The following WNK3 variants were observed in gnomAD, a reference collection of about 807,000 sequenced individuals.
WNK3 encodes serine/threonine-protein kinase WNK3.
A neutral mutation model predicts 116.7 loss-of-function variants in WNK3; 18 were observed. That is an observed-to-expected ratio of 0.15 (90% CI 0.11 to 0.23). The LOEUF is 0.23. Ranked by LOEUF, WNK3 falls within the 10% of genes least tolerant of loss-of-function variation. WNK3 has a pLI of 1.00. For missense variants in WNK3, 993 were observed against 1,323.8 expected (o/e 0.75, Z 3.88); for synonymous variants, 404 against 469.4 (o/e 0.86, Z 1.80).
Position 54,275,415 on chromosome X carries a change from A to ATGTGTGTGTGTGTGTG in WNK3, c.2038-16093_2038-16078dup, listed in dbSNP as rs782672834. Among the ~76,000 whole-genome samples, 80 of 64,415 alleles carry ATGTGTGTGTGTGTGTG rather than the reference A, an allele frequency of 1.2e-3. 2 individuals are homozygous for ATGTGTGTGTGTGTGTG. Among genetic ancestry groups the ATGTGTGTGTGTGTGTG allele is most frequent in the East Asian group, 3.8e-3 (6 of 1,597 alleles). The allele number at this position is 64,415 out of a possible 115,157, so 55.9% of individuals were successfully genotyped here. A position where few individuals can be genotyped will look rare whatever the true frequency, so the allele number is the denominator to read the frequency against. On this transcript the variant is annotated intron_variant, in intron 10 of 23. Coordinates refer to ENST00000354646, the Ensembl canonical transcript of WNK3. The stretch of plus-strand genomic sequence containing the variant: ...CGGTATCTGTAGGGTATAAGTTCAT[A>ATGTGTGTGTGTGTGTG]TGTGTGTGTGTGTGTGTGTGTGTGT...
At chrX:54,287,546 G>A (rs2068593904) in intron 10 of WNK3, among the ~76,000 whole-genome samples, 1 of 111,833 alleles carries the variant, frequency 8.9e-6, no homozygotes, top group African/African-American at 3.3e-5. Context: ...ACCTTGTACT[G>A]TATAATTTCC....
intron 2 of WNK3, among the ~76,000 whole-genome samples, chrX:54,331,244 A>T (rs2069166607): frequency 9.1e-6 from 1 of 109,739 alleles, no homozygotes; most frequent in Admixed American, 9.9e-5. Context: ...ATAAAATTTA[A>T]AAAGAAAAAA....
intron 1 of WNK3, among the ~76,000 whole-genome samples, chrX:54,354,978 G>T (rs1196045609): frequency 9.0e-6 from 1 of 110,957 alleles, no homozygotes; most frequent in African/African-American, 3.3e-5. Context: ...CAGCTACTAG[G>T]GAGGCTGAGG....
Position 54,301,996 on chromosome X carries a change from A to G in WNK3, c.1090-137T>C, listed in dbSNP as rs1338233288. The G allele has an allele frequency of 3.5e-5, 16 of 463,561 alleles. No homozygotes were observed. In the East Asian group the frequency reaches 5.1e-4, roughly 15 times the overall value. The allele number at this position is 463,561 out of a possible 1,213,427, so 38.2% of individuals were successfully genotyped here. A position where few individuals can be genotyped will look rare whatever the true frequency, so the allele number is the denominator to read the frequency against. On this transcript the variant is annotated intron_variant, in intron 5 of 23. Transcript: ENST00000354646. The stretch of plus-strand genomic sequence containing the variant: ...AATATTTAAATATACATGTGTATAT[A>G]TAGAGAACATAAGTTTAATAACCTT...
intron 22 of WNK3, among the ~76,000 whole-genome samples, chrX:54,219,053 G>GA (rs1557146006): frequency 1.8e-5 from 2 of 111,517 alleles, no homozygotes; most frequent in Non-Finnish European, 3.8e-5. Context: ...GAAAAGGGCA[G>GA]AAAAAATATC....
At chrX:54,213,546 T>A (rs1557144246) in intron 22 of WNK3, among the ~76,000 whole-genome samples, 1 of 58,653 alleles carries the variant, frequency 1.7e-5, no homozygotes. Context: ...AGAGTGAGAC[T>A]CCGTCTCAAA....
chrX:54,353,640 G>A lies in WNK3; in HGVS notation c.-120+4046C>T, dbSNP rs782406170. ...CGGGCACCTGTTATTCCAGCTACTC[G>A]GGAGGCTAAGGCAGGAGAATCATTT... On this transcript the variant is annotated intron_variant, in intron 1 of 23. Transcript: ENST00000354646. Among the ~76,000 whole-genome samples, 16 of 107,356 alleles carry A rather than the reference G, an allele frequency of 1.5e-4. 1 individual carries two copies. Among genetic ancestry groups the A allele is most frequent in the Middle Eastern group, 9.9e-3 (2 of 202 alleles). The allele number at this position is 107,356 out of a possible 115,157, so 93.2% of individuals were successfully genotyped here. A position where few individuals can be genotyped will look rare whatever the true frequency, so the allele number is the denominator to read the frequency against.
chrX:54,324,937 C>T (rs2069081355), intron 2 of WNK3, among the ~76,000 whole-genome samples: 1 of 111,939 alleles, frequency 8.9e-6, no homozygotes, highest in South Asian at 3.7e-4. Flanking sequence ...TGTAATAGGG[C>T]TAATGTCTCA....
At chrX:54,341,287 C>T (rs2069319583) in intron 1 of WNK3, among the ~76,000 whole-genome samples, 1 of 110,690 alleles carries the variant, frequency 9.0e-6, no homozygotes, top group Admixed American at 9.7e-5. Context: ...ATCCCAGCTA[C>T]TCAGGAGGCT....
At chrX:54,302,756 TA>T (rs1438799439) in intron 5 of WNK3, among the ~76,000 whole-genome samples, 202 of 31,166 alleles carry the variant, frequency 6.5e-3, no homozygotes, top group East Asian at 9.1e-3. Context: ...TATATATATA[TA>T]TTTTTTTTTT....
At chrX:54,311,860 A>G (rs1456579663) in intron 2 of WNK3, among the ~76,000 whole-genome samples, 2 of 111,433 alleles carry the variant, frequency 1.8e-5, no homozygotes, top group Admixed American at 1.9e-4. Context: ...AGGGAGAACT[A>G]TGGCCCTAAA....
intron 17 of WNK3, among the ~76,000 whole-genome samples, chrX:54,245,536 T>C (rs368981653): frequency 2.1e-3 from 228 of 109,854 alleles, no homozygotes; most frequent in Non-Finnish European, 3.0e-3. Context: ...CACACACACA[T>C]ACACACACCT....
At chrX:54,339,794 A>C (rs2069294532) in intron 1 of WNK3, among the ~76,000 whole-genome samples, 1 of 112,015 alleles carries the variant, frequency 8.9e-6, no homozygotes, top group Admixed American at 9.6e-5. Context: ...CATTGGAGTA[A>C]ATCTCAGTAA....
Position 54,275,415 on chromosome X carries a change from A to ATGTGTGTGTGTGTGTGTGTG in WNK3, c.2038-16097_2038-16078dup, listed in dbSNP as rs782672834. Among the ~76,000 whole-genome samples the ATGTGTGTGTGTGTGTGTGTG allele has an allele frequency of 7.8e-5, 5 of 64,430 alleles. 1 individual carries two copies. The highest frequency in any genetic ancestry group is 6.3e-4 in the East Asian group (1 of 1,597). 55.9% of individuals were successfully genotyped at this position (64,430 alleles called of 115,157 possible). On this transcript the variant is annotated intron_variant, in intron 10 of 23. Transcript: ENST00000354646. The stretch of plus-strand genomic sequence containing the variant: ...CGGTATCTGTAGGGTATAAGTTCAT[A>ATGTGTGTGTGTGTGTGTGTG]TGTGTGTGTGTGTGTGTGTGTGTGT...
chrX:54,217,134 C>T (rs1331691839), intron 22 of WNK3, among the ~76,000 whole-genome samples: 2 of 108,368 alleles, frequency 1.8e-5, no homozygotes, highest in African/African-American at 3.4e-5. Flanking sequence ...CTGGCTAACA[C>T]GCTGAAACCC....
intron 10 of WNK3, among the ~76,000 whole-genome samples, chrX:54,290,405 T>C (rs1249073449): frequency 8.9e-6 from 1 of 112,099 alleles, no homozygotes; most frequent in Non-Finnish European, 1.9e-5. Context: ...ATTCAAATTA[T>C]AAATGCATAT....
At chrX:54,315,887 A>G (rs1443288370) in intron 2 of WNK3, among the ~76,000 whole-genome samples, 2 of 111,327 alleles carry the variant, frequency 1.8e-5, no homozygotes, top group Non-Finnish European at 3.8e-5. Flanking sequence ...TGTAACAACT[A>G]ACATCTTGTT....
At chrX:54,240,874 T>C (rs2068015425) in intron 17 of WNK3, among the ~76,000 whole-genome samples, 1 of 111,735 alleles carries the variant, frequency 8.9e-6, no homozygotes, top group East Asian at 2.8e-4. Context: ...CATACAAGTC[T>C]TTCCCTGACT....
intron 1 of WNK3, among the ~76,000 whole-genome samples, chrX:54,352,986 T>G (rs782716457): frequency 8.9e-6 from 1 of 112,249 alleles, no homozygotes; most frequent in South Asian, 3.7e-4. Context: ...TCATATATTA[T>G]ATGATTCCAT....
Sources: gnomAD v4.1 joint callset for allele counts (sites outside exome capture counted in the v4.1 genomes callset) on GRCh38, gnomAD v4.1.1 for gene constraint, MANE v1.5 for transcripts, NCBI Gene and HGNC (gene_info 2026-07-23, HGNC 2026-07-21) for gene names.